The following CADM2 variants were observed in gnomAD, a reference collection of about 807,000 sequenced individuals.
CADM2 encodes cell adhesion molecule 2.
Under a neutral mutation model 49.8 loss-of-function variants are expected in CADM2, and 12 were observed. That is an observed-to-expected ratio of 0.24 (90% confidence interval 0.15 to 0.39). The LOEUF (loss-of-function observed/expected upper bound fraction) is 0.39, where lower values mean the gene tolerates loss of function less well. CADM2 is among the 10% of genes least tolerant of loss of function. The pLI is 1.00. For synonymous variants in CADM2, 214 were observed against 175.4 expected, an observed-to-expected ratio of 1.22 and a Z score of -1.74; for missense variants, 378 against 492.3, an observed-to-expected ratio of 0.77 and a Z score of 2.20.
At chr3:85,798,672 C>T (rs774864602) in intron 2 of CADM2, among the ~76,000 whole-genome samples, 9 of 152,140 alleles carry the variant, frequency 5.9e-5, no homozygotes, top group African/African-American at 2.2e-4. Context: ...GTTACTGCAG[C>T]CTTGTGATAT....
At chr3:85,844,573 T>TAGGA (rs1491199230) in intron 3 of CADM2, among the ~76,000 whole-genome samples, 32 of 152,286 alleles carry the variant, frequency 2.1e-4, no homozygotes, top group African/African-American at 7.7e-4. Context: ...TGCAACACTT[T>TAGGA]CTGAAGTAAA....
rs200777941 is a variant in CADM2 at position 85,146,897 on chromosome 3, G to A, written c.61+187229G>A. Among the ~76,000 whole-genome samples, 5 of 152,108 alleles carry A rather than the reference G, an allele frequency of 3.3e-5. No individual in the cohort carries two copies. The East Asian group carries it at 9.7e-4, about 29-fold the overall frequency. The stretch of plus-strand genomic sequence containing the variant: ...ATCCTGCAAGTATGGGACATATGAA[G>A]ACATTTGAAAAGGAAGGGATAGGGT... On this transcript the variant is annotated intron_variant, in intron 1 of 9. Transcript: ENST00000383699.
chr3:85,970,377 A>G (rs906950361), intron 8 of CADM2, among the ~76,000 whole-genome samples: 13 of 151,496 alleles, frequency 8.6e-5, no homozygotes, highest in African/African-American at 3.1e-4. Context: ...GTGGATATTA[A>G]AAGTGAAGCT....
At chr3:85,672,201 T>C (rs1244633432) in intron 1 of CADM2, among the ~76,000 whole-genome samples, 7 of 150,394 alleles carry the variant, frequency 4.7e-5, no homozygotes, top group Non-Finnish European at 1.5e-5. Flanking sequence ...CTTTTTTTTT[T>C]TTTTTTTTTG....
At chr3:85,818,694 G>A (rs1345282421) in intron 3 of CADM2, among the ~76,000 whole-genome samples, 1 of 151,880 alleles carries the variant, frequency 6.6e-6, no homozygotes, top group Non-Finnish European at 1.5e-5. Flanking sequence ...TTCTTTAAAA[G>A]TTAGAACACT....
At chr3:85,331,932 T>G (rs1424799686) in intron 1 of CADM2, among the ~76,000 whole-genome samples, 3 of 152,124 alleles carry the variant, frequency 2.0e-5, no homozygotes, top group African/African-American at 7.2e-5. Context: ...ACAGTATCAT[T>G]TGCACATAAA....
chr3:86,064,046 A>T (rs1739019437), intron 8 of CADM2, among the ~76,000 whole-genome samples: 2 of 150,270 alleles, frequency 1.3e-5, no homozygotes. Context: ...CTTTTTTTTT[A>T]ATATATATAT....
chr3:85,225,103 T>A (rs888886907), intron 1 of CADM2, among the ~76,000 whole-genome samples: 1 of 152,194 alleles, frequency 6.6e-6, no homozygotes, highest in African/African-American at 2.4e-5. Flanking sequence ...TGGTTCCATA[T>A]GAACTTTAAA....
intron 3 of CADM2, among the ~76,000 whole-genome samples, chr3:85,879,617 A>G (rs938968505): frequency 6.6e-6 from 1 of 152,092 alleles, no homozygotes; most frequent in Non-Finnish European, 1.5e-5. Flanking sequence ...TTAAGCTTTG[A>G]TATCCTAACT....
chr3:85,940,793 T>A (rs1475672142), intron 7 of CADM2, among the ~76,000 whole-genome samples: 1 of 152,058 alleles, frequency 6.6e-6, no homozygotes, highest in Non-Finnish European at 1.5e-5. Context: ...GTGGCCTGAG[T>A]AATCCTGAGC....
chr3:85,070,960 G>A (rs1205959170), intron 1 of CADM2, among the ~76,000 whole-genome samples: 8 of 151,434 alleles, frequency 5.3e-5, no homozygotes. Flanking sequence ...CCGCACTCCA[G>A]CCTGGGCAAT....
At chr3:85,105,989 AT>A (rs2038208472) in intron 1 of CADM2, among the ~76,000 whole-genome samples, 1 of 152,124 alleles carries the variant, frequency 6.6e-6, no homozygotes, top group South Asian at 2.1e-4. Context: ...GATATACCTA[AT>A]GCTAAATGAC....
At chr3:85,019,339 A>G (rs1400686210) in intron 1 of CADM2, among the ~76,000 whole-genome samples, 2 of 152,010 alleles carry the variant, frequency 1.3e-5, no homozygotes, top group Non-Finnish European at 2.9e-5. Context: ...AAAAATTACC[A>G]GGGTGTGGTG....
intron 1 of CADM2, among the ~76,000 whole-genome samples, chr3:85,497,046 A>T (rs975162601): frequency 3.3e-5 from 5 of 151,836 alleles, no homozygotes; most frequent in Non-Finnish European, 5.9e-5. Flanking sequence ...CAGGGATTTC[A>T]CCATGTTGGC....
chr3:85,641,460 T>C (rs927784092), intron 1 of CADM2, among the ~76,000 whole-genome samples: 5 of 152,232 alleles, frequency 3.3e-5, no homozygotes, highest in South Asian at 2.1e-4. Context: ...TAAAATAAGA[T>C]TGAAATCAGT....
chr3:85,977,039 C>A (rs1446163807), intron 8 of CADM2, among the ~76,000 whole-genome samples: 1 of 150,930 alleles, frequency 6.6e-6, no homozygotes, highest in Non-Finnish European at 1.5e-5. Context: ...TATAGACTGT[C>A]TTTAAAAAAT....
chr3:85,639,750 A>C (rs1272521970), intron 1 of CADM2, among the ~76,000 whole-genome samples: 1 of 152,172 alleles, frequency 6.6e-6, no homozygotes, highest in African/African-American at 2.4e-5. Context: ...AGAAGGAAGA[A>C]AGTTTCAGGG....
chr3:85,917,479 G>A (rs1231353445), intron 6 of CADM2, among the ~76,000 whole-genome samples: 2 of 152,080 alleles, frequency 1.3e-5, no homozygotes, highest in African/African-American at 4.8e-5. Flanking sequence ...GATAGTTGTA[G>A]ATATGCAGCA....
At chr3:85,009,880 TA>T (rs1214152965) in intron 1 of CADM2, among the ~76,000 whole-genome samples, 1 of 147,066 alleles carries the variant, frequency 6.8e-6, no homozygotes, top group Non-Finnish European at 1.5e-5. Context: ...AATAAATAAA[TA>T]AATAAATAAA....
Sources: gnomAD v4.1 joint callset for allele counts (sites outside exome capture counted in the v4.1 genomes callset) on GRCh38, gnomAD v4.1.1 for gene constraint, MANE v1.5 for transcripts, NCBI Gene and HGNC (gene_info 2026-07-23, HGNC 2026-07-21) for gene names.